Variants in GPR141 observed in about 807,000 individuals in gnomAD.
GPR141 encodes the protein G protein-coupled receptor 141.
In GPR141, 6 loss-of-function variants were observed where a neutral mutation model predicts 6.8. That is an observed-to-expected ratio of 0.88 (90% CI 0.48 to 1.74). GPR141 has a LOEUF of 1.74. Ranked by LOEUF, GPR141 falls within the 40% of genes most tolerant of loss-of-function variation. GPR141 has a pLI of 0.01. For missense variants in GPR141, 372 were observed against 372.9 expected, an observed-to-expected ratio of 1.00 and a Z score of 0.02; for synonymous variants, 140 against 142.3, an observed-to-expected ratio of 0.98 and a Z score of 0.11.
At chr7:37,723,062 GGC>G (rs939360949) in intron 2 of GPR141, among the ~76,000 whole-genome samples, 1 of 148,814 alleles carries the variant, frequency 6.7e-6, no homozygotes, top group African/African-American at 2.5e-5. Context: ...TGTACCACTT[GGC>G]TCATTATAAC....
intron 2 of GPR141, chr7:37,730,003 G>T (rs914283410): frequency 2.0e-5 from 3 of 152,122 alleles, no homozygotes; most frequent in African/African-American, 7.2e-5. Context: ...TCATTTCTAG[G>T]TGTAAAGAAA....
Position 37,743,622 on chromosome 7 carries a change from T to C in GPR141, c.*2311T>C, listed in dbSNP as rs768056540. 5.3e-5 allele frequency among the ~76,000 whole-genome samples: 8 copies of C among 152,064 alleles called. No individual in the cohort carries two copies. The highest frequency in any genetic ancestry group is 2.1e-4 in the South Asian group (1 of 4,830). On this transcript the variant is annotated 3_prime_UTR_variant, in exon 3 of 3. Coordinates refer to ENST00000334425, the MANE Select transcript of GPR141 (RefSeq NM_001381946.1). ...TTTCATTACCTTGTAGATTATGTCA[T>C]ACTCTTTTCCAGATTTTAGATATGT...
chr7:37,701,324 G>A (rs565731123), intron 2 of GPR141, among the ~76,000 whole-genome samples: 20 of 152,254 alleles, frequency 1.3e-4, no homozygotes, highest in Admixed American at 4.6e-4. Context: ...GGTCATCCAT[G>A]TATTTCTGAC....
At chr7:37,714,832 A>G (rs1269655288) in intron 2 of GPR141, among the ~76,000 whole-genome samples, 1 of 152,182 alleles carries the variant, frequency 6.6e-6, no homozygotes, top group Non-Finnish European at 1.5e-5. Flanking sequence ...GTAAGCTATT[A>G]TGTTCTTTGC....
intron 2 of GPR141, among the ~76,000 whole-genome samples, chr7:37,705,463 T>A (rs564928410): frequency 7.9e-5 from 12 of 152,348 alleles, no homozygotes; most frequent in African/African-American, 2.6e-4. Flanking sequence ...ATATATCAGT[T>A]GGATTCTGGC....
chr7:37,726,281 G>T (rs751872824), intron 2 of GPR141, among the ~76,000 whole-genome samples: 1 of 152,234 alleles, frequency 6.6e-6, no homozygotes, highest in Non-Finnish European at 1.5e-5. Flanking sequence ...GGAGGATTGA[G>T]ATAAGAAGAA....
chr7:37,720,960 A>G (rs1811297149), intron 2 of GPR141, among the ~76,000 whole-genome samples: 1 of 152,220 alleles, frequency 6.6e-6, no homozygotes, highest in African/African-American at 2.4e-5. Flanking sequence ...CTGCTTTTCA[A>G]TACCCTGATA....
intron 2 of GPR141, among the ~76,000 whole-genome samples, chr7:37,724,882 C>T (rs1035172742): frequency 6.6e-6 from 1 of 152,148 alleles, no homozygotes; most frequent in Non-Finnish European, 1.5e-5. Flanking sequence ...GCCGTCTGTC[C>T]TGCTGGGCCT....
intron 2 of GPR141, among the ~76,000 whole-genome samples, chr7:37,710,185 T>A (rs939625363): frequency 6.6e-6 from 1 of 152,128 alleles, no homozygotes; most frequent in African/African-American, 2.4e-5. Context: ...ATTGTTTGGA[T>A]TTTTTTTCTT....
At chr7:37,715,324 C>A (rs1810993937) in intron 2 of GPR141, among the ~76,000 whole-genome samples, 1 of 152,126 alleles carries the variant, frequency 6.6e-6, no homozygotes, top group Non-Finnish European at 1.5e-5. Context: ...GAGAAAGGAT[C>A]TTACTATGTT....
intron 2 of GPR141, among the ~76,000 whole-genome samples, chr7:37,692,888 G>A (rs1809841904): frequency 6.6e-6 from 1 of 152,062 alleles, no homozygotes; most frequent in Non-Finnish European, 1.5e-5. Flanking sequence ...TGTAAATTCT[G>A]GATATAAGCC....
chr7:37,697,091 G>T (rs1810053162), intron 2 of GPR141, among the ~76,000 whole-genome samples: 1 of 152,136 alleles, frequency 6.6e-6, no homozygotes, highest in Non-Finnish European at 1.5e-5. Flanking sequence ...TAAAACTAAT[G>T]CCAAGATCAG....
chr7:37,701,487 G>C (rs1025083097), intron 2 of GPR141, among the ~76,000 whole-genome samples: 9 of 152,130 alleles, frequency 5.9e-5, no homozygotes, highest in Admixed American at 4.6e-4. Flanking sequence ...TTTAGAAAAT[G>C]AAAACATGGG....
chr7:37,697,558 G>A (rs543263501), intron 2 of GPR141, among the ~76,000 whole-genome samples: 3 of 152,166 alleles, frequency 2.0e-5, no homozygotes, highest in African/African-American at 7.2e-5. Flanking sequence ...CATGAGTTAC[G>A]GATGTGGACC....
intron 2 of GPR141, among the ~76,000 whole-genome samples, chr7:37,706,646 G>GCTCT (rs1292139430): frequency 6.6e-6 from 1 of 152,128 alleles, no homozygotes; most frequent in Admixed American, 6.5e-5. Context: ...ACTTGGCAGA[G>GCTCT]GCTCAGCTGA....
chr7:37,725,207 G>A (rs1415832319), intron 2 of GPR141, among the ~76,000 whole-genome samples: 1 of 152,182 alleles, frequency 6.6e-6, no homozygotes, highest in Non-Finnish European at 1.5e-5. Flanking sequence ...CAAAGAAAAA[G>A]TGAGATGACA....
At chr7:37,720,357 G>A (rs562404464) in intron 2 of GPR141, among the ~76,000 whole-genome samples, 61 of 152,324 alleles carry the variant, frequency 4.0e-4, no homozygotes, top group Non-Finnish European at 5.0e-4. Context: ...TCCTGGAGCT[G>A]AGCATGTGAA....
intron 2 of GPR141, among the ~76,000 whole-genome samples, chr7:37,696,734 T>C (rs1049624154): frequency 2.0e-5 from 3 of 152,228 alleles, no homozygotes; most frequent in Non-Finnish European, 4.4e-5. Context: ...ATCCAGTCTT[T>C]ATGCTATGTG....
At position 37,739,974 on chromosome 7, in the gene GPR141, G is replaced by A. The variant is rs184753726; in HGVS notation, c.-14-406G>A. Among the ~76,000 whole-genome samples, 16 of 151,894 alleles carry A rather than the reference G, an allele frequency of 1.1e-4. No individual in the cohort carries two copies. In the South Asian group the frequency reaches 1.9e-3, roughly 18 times the overall value. On this transcript the variant is annotated intron_variant, in intron 2 of 2. Transcript: ENST00000334425. ...GAATTAGAGAATTATAATCATGCCCGTAAGAAAAAAAAATTGTATACTTCA... is the reference window on the plus strand; with the variant it reads ...GAATTAGAGAATTATAATCATGCCCATAAGAAAAAAAAATTGTATACTTCA...
Sources: allele counts gnomAD v4.1 joint callset (sites outside exome capture counted in the v4.1 genomes callset), GRCh38; gene constraint gnomAD v4.1.1; transcripts MANE v1.5; gene names NCBI Gene and HGNC (gene_info 2026-07-23, HGNC 2026-07-21).